LRRC8A: variants seen among roughly 807,000 people sequenced by gnomAD.
The protein encoded by LRRC8A is leucine rich repeat containing 8 VRAC subunit A, also known as volume-regulated anion channel subunit LRRC8A.
Under a neutral mutation model 52.5 loss-of-function variants are expected in LRRC8A, and 24 were observed. That is an observed-to-expected ratio of 0.46 (90% CI 0.33 to 0.64). LRRC8A has a LOEUF of 0.64. LRRC8A is among the 30% of genes least tolerant of loss of function. The pLI is 0.02. For missense variants in LRRC8A, 677 were observed against 1,094.7 expected (o/e 0.62, Z 5.38); for synonymous variants, 492 against 494.2 (o/e 1.00, Z 0.06).
chr9:128,915,310 G>A (rs1840760270), intron 3 of LRRC8A, among the ~76,000 whole-genome samples: 1 of 152,090 alleles, frequency 6.6e-6, no homozygotes, highest in African/African-American at 2.4e-5. Context: ...ATTAAGCATA[G>A]TACACTTAGG....
intron 2 of LRRC8A, among the ~76,000 whole-genome samples, chr9:128,895,354 A>T (rs1251460081): frequency 6.6e-6 from 1 of 152,232 alleles, no homozygotes; most frequent in African/African-American, 2.4e-5. Flanking sequence ...ACTGTCTCCA[A>T]GATAAAATAA....
At chr9:128,882,449 C>T (rs1422234315) in intron 1 of LRRC8A, 199 bp downstream of exon 1, 2 of 351,782 alleles carry the variant, frequency 5.7e-6, no homozygotes, top group Non-Finnish European at 1.0e-5. Context: ...GCACCACCTT[C>T]TCGCCGGCTC....
intron 3 of LRRC8A, among the ~76,000 whole-genome samples, chr9:128,913,992 G>A (rs964404659): frequency 6.6e-6 from 1 of 152,298 alleles, no homozygotes; most frequent in South Asian, 2.1e-4. Flanking sequence ...ATCACCTGAG[G>A]TCAGGAGTTC....
In LRRC8A at chr9:128,907,834, G is replaced by A. The variant is rs958031501; in HGVS notation, c.670G>A (p.Val224Met). 1.1e-5 allele frequency: 17 copies of A among 1,613,962 alleles called. No homozygotes were observed. The highest frequency in any genetic ancestry group is 3.3e-5 in the Admixed American group (2 of 59,986). Reference sequence around the variant, plus strand: ...CAAGTCACGGATCGAGCAGGGTATCGTGGACCGCTCAGAGACGGGCGTGCT... The same window carrying A: ...CAAGTCACGGATCGAGCAGGGTATCATGGACCGCTCAGAGACGGGCGTGCT... ...RTKSRIEQGI[V>M]DRSETGVLDK... The change falls in exon 3 of 4, where the codon GTG becomes ATG. Residue 224 changes from valine to methionine, a missense_variant. Coordinates refer to ENST00000372600, the MANE Select transcript of LRRC8A (RefSeq NM_019594.4). The surrounding 1 kb of genome is among the most constrained non-coding windows in gnomAD (Gnocchi z 9.3).
At chr9:128,913,739 T>C (rs747403002) in intron 3 of LRRC8A, among the ~76,000 whole-genome samples, 3 of 151,732 alleles carry the variant, frequency 2.0e-5, no homozygotes, top group Non-Finnish European at 4.4e-5. Flanking sequence ...GGGGTGGGAG[T>C]GGGGTCTTTC....
chr9:128,908,148 A>G lies in LRRC8A; in HGVS notation c.984A>G (p.Leu328=). 1 of 1,613,990 alleles carries G rather than the reference A, an allele frequency of 6.2e-7. No individual in the cohort carries two copies. The highest frequency in any genetic ancestry group is 8.5e-7 in the Non-Finnish European group (1 of 1,180,016). Residue 328 remains leucine (L), a synonymous_variant, in exon 3 of 4, where the codon CTA becomes CTG. Coordinates refer to ENST00000372600, the MANE Select transcript of LRRC8A (RefSeq NM_019594.4). ...FKILASFYIS[L]VIFYGLICMY... is the part of the protein sequence containing the mutation. Reference sequence around the variant, plus strand: ...TCCTGGCGTCCTTCTACATCAGCCTAGTCATCTTCTACGGCCTCATCTGCA... The same window carrying G: ...TCCTGGCGTCCTTCTACATCAGCCTGGTCATCTTCTACGGCCTCATCTGCA...
Position 128,916,550 on chromosome 9 carries a change from C to G in LRRC8A, c.*179C>G. The G allele has an allele frequency of 1.3e-6, 1 of 761,894 alleles. No homozygotes were observed. Among genetic ancestry groups the G allele is most frequent in the Non-Finnish European group, 2.0e-6 (1 of 488,274 alleles). The allele number at this position is 761,894 out of a possible 1,614,324, so 47.2% of individuals were successfully genotyped here. A position where few individuals can be genotyped will look rare whatever the true frequency, so the allele number is the denominator to read the frequency against. ...GAGGACAGTATCTGTGGGGCTGGCC[C>G]CTTTTCTCCCTCTGAGACTCACGTC... On this transcript the variant is annotated 3_prime_UTR_variant, in exon 4 of 4. Coordinates refer to ENST00000372600, the MANE Select transcript of LRRC8A (RefSeq NM_019594.4). This position sits in a 1 kb window ranked among gnomAD's most constrained non-coding sequence, Gnocchi z 6.1.
intron 3 of LRRC8A, among the ~76,000 whole-genome samples, chr9:128,914,336 G>A (rs970590750): frequency 3.9e-4 from 60 of 152,104 alleles, no homozygotes; most frequent in African/African-American, 1.4e-3. Context: ...GAGAGCAGGT[G>A]CCCGTGAGGT....
intron 2 of LRRC8A, among the ~76,000 whole-genome samples, chr9:128,903,468 A>G (rs1010065309): frequency 6.9e-6 from 1 of 145,686 alleles, no homozygotes; most frequent in South Asian, 2.1e-4. Context: ...GCTGGAGTGC[A>G]GTGGCGTGAT....
chr9:128,915,416 C>T (rs1401196909), intron 3 of LRRC8A, among the ~76,000 whole-genome samples: 1 of 152,198 alleles, frequency 6.6e-6, no homozygotes, highest in Non-Finnish European at 1.5e-5. Context: ...GCTCCGCCTC[C>T]CGGGTTCACG....
chr9:128,907,990 A>G lies in LRRC8A; in HGVS notation c.826A>G (p.Ile276Val), dbSNP rs1225989512. ...GACCATCATCAAGGTGATCAAGTTC[A>G]TCCTCATCATCTGCTACACCGTCTA... ...RQTIIKVIKF[I>V]LIICYTVYYV... Residue 276 changes from isoleucine (I) to valine (V), a missense_variant, in exon 3 of 4, where the codon ATC becomes GTC. By Grantham distance (29) the Ile-to-Val change is conservative. Coordinates refer to ENST00000372600, the MANE Select transcript of LRRC8A (RefSeq NM_019594.4). This position sits in a 1 kb window ranked among gnomAD's most constrained non-coding sequence, Gnocchi z 9.3. 2 of 1,614,124 alleles carry G rather than the reference A, an allele frequency of 1.2e-6. No homozygotes were observed. The highest frequency in any genetic ancestry group is 1.7e-6 in the Non-Finnish European group (2 of 1,180,022).
rs987240848 is a variant in LRRC8A, at chr9:128,911,542, C to G, written c.2157+2221C>G. Among the ~76,000 whole-genome samples the G allele has an allele frequency of 6.6e-6, 1 of 152,124 alleles. No individual in the cohort carries two copies. The highest frequency in any genetic ancestry group is 1.5e-5 in the Non-Finnish European group (1 of 68,022). On this transcript the variant is annotated intron_variant, in intron 3 of 3. Transcript: ENST00000372600. This position sits in a 1 kb window ranked among gnomAD's most constrained non-coding sequence, Gnocchi z 4.9. The stretch of plus-strand genomic sequence containing the variant: ...GCTGCCCTTGATAAGCTGGGACTTC[C>G]TCACAGCTCCTGCCATTCCTGCCCT...
Position 128,916,251 on chromosome 9 carries a change from G to A in LRRC8A, c.2313G>A (p.Val771=), listed in dbSNP as rs1370085947. ...GCAACCGGCTGGAGTGCCTGCCTGT[G>A]GAGCTGGGCGAGTGCCCACTGCTCA... ...LRGNRLECLP[V]ELGECPLLKR... is the part of the protein sequence containing the mutation. The change falls in exon 4 of 4, where the codon GTG becomes GTA. Residue 771 remains valine, a synonymous_variant. Coordinates refer to ENST00000372600, the MANE Select transcript of LRRC8A (RefSeq NM_019594.4). The surrounding 1 kb of genome is among the most constrained non-coding windows in gnomAD (Gnocchi z 6.1). The A allele has an allele frequency of 3.1e-6, 5 of 1,613,754 alleles. No homozygotes were observed. The highest frequency in any genetic ancestry group is 4.2e-6 in the Non-Finnish European group (5 of 1,179,974).
Position 128,899,624 on chromosome 9 carries a change from C to T in LRRC8A, c.-8-7533C>T, listed in dbSNP as rs538510682. On this transcript the variant is annotated intron_variant, in intron 2 of 3. Transcript: ENST00000372600. The surrounding 1 kb of genome is among the most constrained non-coding windows in gnomAD (Gnocchi z 4.0). The stretch of plus-strand genomic sequence containing the variant: ...AACGTGGTGAGCCTTGAGGACATTA[C>T]GTTAAGTGATACAGCCCATCACAAA... Among the ~76,000 whole-genome samples, 2 of 152,222 alleles carry T rather than the reference C, an allele frequency of 1.3e-5. No homozygotes were observed. Among genetic ancestry groups the T allele is most frequent in the East Asian group, 1.9e-4 (1 of 5,184 alleles).
chr9:128,915,631 G>C (rs1840779182), intron 3 of LRRC8A, among the ~76,000 whole-genome samples: 1 of 152,148 alleles, frequency 6.6e-6, no homozygotes, highest in Admixed American at 6.6e-5. Context: ...GGCCTAGGGG[G>C]TGGATTTTCT....
chr9:128,883,467 C>T (rs1424875041), intron 1 of LRRC8A, among the ~76,000 whole-genome samples: 5 of 152,220 alleles, frequency 3.3e-5, no homozygotes, highest in African/African-American at 9.6e-5. Context: ...GTGCTGATTG[C>T]TCAGTCTCAC....
chr9:128,883,712 C>T (rs763820367), intron 1 of LRRC8A, among the ~76,000 whole-genome samples: 1 of 152,110 alleles, frequency 6.6e-6, no homozygotes, highest in Admixed American at 6.5e-5. Flanking sequence ...TGGTGGCTCA[C>T]GCCTGTAATC....
At chr9:128,888,711 T>C (rs1480012214) in intron 2 of LRRC8A, among the ~76,000 whole-genome samples, 1 of 152,118 alleles carries the variant, frequency 6.6e-6, no homozygotes, top group African/African-American at 2.4e-5. Flanking sequence ...AGGATCGCGC[T>C]GGGAGTGAGG....
intron 2 of LRRC8A, among the ~76,000 whole-genome samples, chr9:128,888,091 G>T (rs919889159): frequency 6.6e-6 from 1 of 152,256 alleles, no homozygotes; most frequent in South Asian, 2.1e-4. Context: ...GAGGTCGGAA[G>T]TGCCTGGTGT....
Sources: gnomAD v4.1 joint callset for allele counts (sites outside exome capture counted in the v4.1 genomes callset) on GRCh38, gnomAD v4.1.1 for gene constraint, Gnocchi (gnomAD v3.1) non-coding constraint, MANE v1.5 for transcripts, NCBI Gene and HGNC (gene_info 2026-07-23, HGNC 2026-07-21) for gene names.